STK32B: variants seen among roughly 807,000 people sequenced by gnomAD.
The protein encoded by STK32B is serine/threonine-protein kinase 32B.
STK32B carries 43 observed loss-of-function variants against 52.6 expected under a neutral mutation model. That is an observed-to-expected ratio of 0.82 (90% CI 0.64 to 1.05). The LOEUF is 1.05. Among genes scored for constraint, STK32B ranks in the 50% least tolerant of loss-of-function variants. The pLI is 0.00. For missense variants in STK32B, 621 were observed against 534.6 expected (o/e 1.16, Z -1.59); for synonymous variants, 238 against 204.3 (o/e 1.17, Z -1.41).
At chr4:5,218,676 C>T (rs758094373) in intron 3 of STK32B, among the ~76,000 whole-genome samples, 6 of 152,182 alleles carry the variant, frequency 3.9e-5, no homozygotes, top group African/African-American at 1.2e-4. Context: ...CTTTAGCACC[C>T]GTTCTTGCTA....
chr4:5,117,245 T>C (rs1714780296), intron 1 of STK32B, among the ~76,000 whole-genome samples: 1 of 152,222 alleles, frequency 6.6e-6, no homozygotes, highest in Non-Finnish European at 1.5e-5. Context: ...CCTTCAGCTT[T>C]TCATCATTGG....
chr4:5,271,240 G>A (rs1727409997), intron 3 of STK32B, among the ~76,000 whole-genome samples: 1 of 152,272 alleles, frequency 6.6e-6, no homozygotes, highest in East Asian at 1.9e-4. Context: ...CCCAGCCTGA[G>A]TTTTTTAAGT....
chr4:5,457,728 CAAAAGT>C (rs556462639), intron 8 of STK32B, among the ~76,000 whole-genome samples: 37 of 151,662 alleles, frequency 2.4e-4, no homozygotes, highest in African/African-American at 8.9e-4. Flanking sequence ...TAGCCACCTA[CAAAAGT>C]AGGTGGCACA....
chr4:5,140,135 T>A (rs977987846), intron 2 of STK32B, 175 bp downstream of exon 2: 4 of 1,419,918 alleles, frequency 2.8e-6, no homozygotes, highest in Non-Finnish European at 1.9e-6. Flanking sequence ...GTAATTTTCT[T>A]CTGGAAATTA....
In STK32B at chr4:5,446,242, G is replaced by GA. The variant is rs528169751; in HGVS notation, c.563-425dup. Among the ~76,000 whole-genome samples, 291 of 152,232 alleles carry GA rather than the reference G, an allele frequency of 1.9e-3. 2 individuals carry two copies. The highest frequency in any genetic ancestry group is 6.4e-3 in the African/African-American group (264 of 41,556). On this transcript the variant is annotated intron_variant, in intron 6 of 11. Coordinates refer to ENST00000282908, the MANE Select transcript of STK32B (RefSeq NM_018401.3). ...GAGGGTACAAACCACATGGCATAGT[G>GA]AAAAAAGTACAGGTTTTACTGTCCA... is the stretch of plus-strand genomic sequence containing the variant.
chr4:5,177,547 C>A (rs761077844), intron 3 of STK32B, among the ~76,000 whole-genome samples: 1 of 152,186 alleles, frequency 6.6e-6, no homozygotes, highest in Non-Finnish European at 1.5e-5. Flanking sequence ...CAACAGTCCC[C>A]CAAAGTCTTA....
chr4:5,242,634 A>G (rs576542995), intron 3 of STK32B, among the ~76,000 whole-genome samples: 143 of 152,252 alleles, frequency 9.4e-4, no homozygotes, highest in African/African-American at 3.1e-3. Context: ...TTGGTGTTTT[A>G]GACATGACGT....
At chr4:5,095,838 A>G (rs979112353) in intron 1 of STK32B, among the ~76,000 whole-genome samples, 6 of 152,198 alleles carry the variant, frequency 3.9e-5, no homozygotes, top group Non-Finnish European at 7.3e-5. Context: ...ATCCAATGCC[A>G]ATGGAGTGGT....
At chr4:5,498,537 G>C (rs1027222904) in intron 11 of STK32B, among the ~76,000 whole-genome samples, 2 of 152,108 alleles carry the variant, frequency 1.3e-5, no homozygotes, top group African/African-American at 4.8e-5. Context: ...TGGTACACTC[G>C]TGAGCATTTA....
intron 1 of STK32B, among the ~76,000 whole-genome samples, chr4:5,090,599 G>A (rs998596103): frequency 1.3e-4 from 19 of 151,978 alleles, no homozygotes; most frequent in East Asian, 9.6e-4. Context: ...TCCTGACCTC[G>A]TGATCCACCC....
chr4:5,066,905 G>T (rs1263688305), intron 1 of STK32B, among the ~76,000 whole-genome samples: 2 of 152,114 alleles, frequency 1.3e-5, no homozygotes, highest in African/African-American at 4.8e-5. Context: ...CTCCTAGAAG[G>T]TCCCTGAAAT....
chr4:5,212,910 G>A (rs557093042), intron 3 of STK32B, among the ~76,000 whole-genome samples: 10 of 152,190 alleles, frequency 6.6e-5, no homozygotes, highest in East Asian at 3.9e-4. Context: ...GGTCGACATC[G>A]TTTTTTTAAA....
In STK32B at chr4:5,246,986, G is replaced by T. The variant is rs556199781; in HGVS notation, c.260+78536G>T. 9.8e-5 allele frequency among the ~76,000 whole-genome samples: 15 copies of T among 152,286 alleles called. No individual in the cohort carries two copies. In the South Asian group the frequency reaches 1.0e-3, roughly 11 times the overall value. On this transcript the variant is annotated intron_variant, in intron 3 of 11. Transcript: ENST00000282908. ...TATAAGGTGCCGGTCCGCCCCTACT[G>T]GGGGGTACCTCCCTGTTAGGCTCCT...
intron 3 of STK32B, among the ~76,000 whole-genome samples, chr4:5,302,215 A>AG (rs35295959): frequency 1.3e-5 from 2 of 151,640 alleles, no homozygotes; most frequent in Non-Finnish European, 2.9e-5. Context: ...ATTGTAAAAA[A>AG]AAAAATCACA....
In STK32B at chr4:5,062,416, A is replaced by G. The variant is rs1742250062; in HGVS notation, c.52+10501A>G. ...CACCATCCAACAGAAGAAATAGAGC[A>G]TGTAGAATTCCCCTGAAGCTCCTTG... On this transcript the variant is annotated intron_variant, in intron 1 of 11. Transcript: ENST00000282908. Among the ~76,000 whole-genome samples the G allele has an allele frequency of 2.6e-5, 4 of 152,226 alleles. No homozygotes were observed. The South Asian group carries it at 8.3e-4, about 32-fold the overall frequency.
At chr4:5,298,228 C>G (rs959675496) in intron 3 of STK32B, among the ~76,000 whole-genome samples, 1 of 152,204 alleles carries the variant, frequency 6.6e-6, no homozygotes, top group African/African-American at 2.4e-5. Flanking sequence ...TCGACCCCTG[C>G]TGCGAGGTGT....
chr4:5,162,469 A>T (rs1718523131), intron 2 of STK32B, among the ~76,000 whole-genome samples: 1 of 152,144 alleles, frequency 6.6e-6, no homozygotes, highest in Non-Finnish European at 1.5e-5. Flanking sequence ...TGCTCCAGCC[A>T]CCTTCTCCAC....
chr4:5,343,056 T>C (rs58475363), intron 4 of STK32B, among the ~76,000 whole-genome samples: 51,508 of 151,066 alleles, frequency 0.34, 11,397 homozygotes, highest in African/African-American at 0.63. Context: ...CCCGTTAACT[T>C]GTCATTTAAC....
intron 11 of STK32B, among the ~76,000 whole-genome samples, chr4:5,488,915 C>T (rs1265814319): frequency 6.6e-6 from 1 of 151,858 alleles, no homozygotes; most frequent in Admixed American, 6.6e-5. Context: ...TATTTTATGT[C>T]TGTCTTATAA....
Sources: gnomAD v4.1 joint callset for allele counts (sites outside exome capture counted in the v4.1 genomes callset) on GRCh38, gnomAD v4.1.1 for gene constraint, MANE v1.5 for transcripts, NCBI Gene and HGNC (gene_info 2026-07-23, HGNC 2026-07-21) for gene names.